ABHD12: variants seen among roughly 807,000 people sequenced by gnomAD.
The protein encoded by ABHD12 is lysophosphatidylserine lipase ABHD12.
Under a neutral mutation model 58.3 loss-of-function variants are expected in ABHD12, and 43 were observed. That is an observed-to-expected ratio of 0.74 (90% CI 0.58 to 0.95). The LOEUF (loss-of-function observed/expected upper bound fraction) is 0.95, where lower values mean the gene tolerates loss of function less well. ABHD12 is among the 40% of genes least tolerant of loss of function. The probability of loss-of-function intolerance (pLI) is 0.00; values close to 1 mark genes in which losing one functional copy is unlikely to be tolerated. For synonymous variants in ABHD12, 219 were observed against 211.2 expected (o/e 1.04, Z -0.32); for missense variants, 539 against 537.2 (o/e 1.00, Z -0.03).
chr20:25,390,462 C>T, intron 1 of ABHD12, 51 bp downstream of exon 1: 1 of 1,335,314 alleles, frequency 7.5e-7, no homozygotes, highest in Non-Finnish European at 9.5e-7. Flanking sequence ...CGCACCTGCG[C>T]AAAGTGAGGG....
intron 1 of ABHD12, chr20:25,339,606 G>C: frequency 6.9e-7 from 1 of 1,453,040 alleles, no homozygotes; most frequent in Middle Eastern, 1.9e-4. Context: ...AATAGCTAAT[G>C]ATTTCTTACA....
At chr20:25,362,704 C>T (rs1360476975) in intron 1 of ABHD12, among the ~76,000 whole-genome samples, 4 of 149,832 alleles carry the variant, frequency 2.7e-5, no homozygotes, top group South Asian at 4.2e-4. Flanking sequence ...GACGGAGTTT[C>T]GCTCTTGTTG....
chr20:25,362,456 A>T (rs2089762863), intron 1 of ABHD12, among the ~76,000 whole-genome samples: 1 of 150,606 alleles, frequency 6.6e-6, no homozygotes, highest in Non-Finnish European at 1.5e-5. Context: ...AATCCTATCT[A>T]CTCGGGAGGC....
chr20:25,312,556 T>C (rs2088871014), intron 6 of ABHD12, among the ~76,000 whole-genome samples: 1 of 152,228 alleles, frequency 6.6e-6, no homozygotes, highest in South Asian at 2.1e-4. Flanking sequence ...CCGCCTGCTT[T>C]GGCCTCCCAA....
chr20:25,325,687 C>A (rs112921585), intron 2 of ABHD12, among the ~76,000 whole-genome samples: 3,150 of 152,242 alleles, frequency 0.021, 97 homozygotes, highest in African/African-American at 0.071. Flanking sequence ...ACCCACACCT[C>A]GACCTCAGAC....
At chr20:25,301,692 C>T (rs2088638460) in intron 12 of ABHD12, among the ~76,000 whole-genome samples, 1 of 152,240 alleles carries the variant, frequency 6.6e-6, no homozygotes, top group Admixed American at 6.5e-5. Context: ...CCACACACTG[C>T]CCTTGTCACT....
chr20:25,300,547 A>C lies in ABHD12; in HGVS notation c.*298T>G. 1 of 1,384,100 alleles carries C rather than the reference A, an allele frequency of 7.2e-7. No homozygotes were observed. Among genetic ancestry groups the C allele is most frequent in the African/African-American group, 1.5e-5 (1 of 68,602 alleles). 85.7% of individuals were successfully genotyped at this position (1,384,100 alleles called of 1,614,324 possible). The stretch of plus-strand genomic sequence containing the variant: ...CCCTGTCCAGCTCAGTGCAGCATCA[A>C]GCAGGCAGTGATGGCTGCCTGCTGC... On this transcript the variant is annotated 3_prime_UTR_variant, in exon 13 of 13. Transcript: ENST00000339157.
At chr20:25,349,300 T>C (rs954645327) in intron 1 of ABHD12, among the ~76,000 whole-genome samples, 1 of 152,080 alleles carries the variant, frequency 6.6e-6, no homozygotes, top group African/African-American at 2.4e-5. Flanking sequence ...GAATATAAAA[T>C]AGTCCAGCTG....
intron 1 of ABHD12, among the ~76,000 whole-genome samples, chr20:25,363,571 ATT>A (rs2089781654): frequency 6.6e-6 from 1 of 152,114 alleles, no homozygotes; most frequent in South Asian, 2.1e-4. Flanking sequence ...TTTAATCAAT[ATT>A]TAATTTTAAG....
intron 1 of ABHD12, among the ~76,000 whole-genome samples, chr20:25,364,920 C>T (rs535160823): frequency 6.6e-6 from 1 of 152,270 alleles, no homozygotes; most frequent in East Asian, 1.9e-4. Flanking sequence ...TAGGAGACCA[C>T]CAAAACCTTG....
chr20:25,318,030 T>C (rs2088994963), intron 4 of ABHD12, among the ~76,000 whole-genome samples: 1 of 152,062 alleles, frequency 6.6e-6, no homozygotes, highest in Admixed American at 6.6e-5. Flanking sequence ...AACAAAAATA[T>C]AAAGGGTCAG....
chr20:25,386,424 A>G (rs1015493593), intron 1 of ABHD12, among the ~76,000 whole-genome samples: 2 of 151,226 alleles, frequency 1.3e-5, no homozygotes, highest in Non-Finnish European at 2.9e-5. Flanking sequence ...ACGCCTGGCT[A>G]ATTTTTTTTG....
At chr20:25,302,104 A>C in intron 12 of ABHD12, 115 bp downstream of exon 12, 1 of 1,459,014 alleles carries the variant, frequency 6.9e-7, no homozygotes, top group Non-Finnish European at 9.5e-7. Context: ...AATCACTGTG[A>C]CTCTTGGCCC....
chr20:25,312,747 C>T (rs1367528165), intron 6 of ABHD12, among the ~76,000 whole-genome samples: 2 of 150,666 alleles, frequency 1.3e-5, no homozygotes, highest in African/African-American at 4.9e-5. Flanking sequence ...CGTCTCTGCC[C>T]GGCCGCCCAT....
intron 4 of ABHD12, among the ~76,000 whole-genome samples, chr20:25,317,717 C>A (rs970518273): frequency 2.0e-5 from 3 of 152,270 alleles, no homozygotes; most frequent in African/African-American, 7.2e-5. Context: ...TACAGCTTCA[C>A]CGTGCATGTC....
chr20:25,296,930 A>ATGAG (rs1314297650), downstream of ABHD12: 1 of 178,084 alleles, frequency 5.6e-6, no homozygotes, highest in African/African-American at 2.4e-5. Context: ...AAGCCTGGGA[A>ATGAG]TGAGTGTTAC....
chr20:25,322,381 A>ATATATATATATATATATATATATT, intron 3 of ABHD12, among the ~76,000 whole-genome samples: 2 of 59,268 alleles, frequency 3.4e-5, no homozygotes, highest in African/African-American at 1.7e-4. Flanking sequence ...ATATATATAT[A>ATATATATATATATATATATATATT]TTTTTTTTTT....
chr20:25,316,616 G>T (rs1033129598), intron 5 of ABHD12, among the ~76,000 whole-genome samples: 1 of 152,234 alleles, frequency 6.6e-6, no homozygotes, highest in Non-Finnish European at 1.5e-5. Flanking sequence ...TCACAGCAGA[G>T]GCAGCCAAGG....
In ABHD12 at chr20:25,323,441, T is replaced by TA; in HGVS notation, c.317-12dup. The TA allele has an allele frequency of 2.0e-6, 3 of 1,530,904 alleles. No homozygotes were observed. The highest frequency in any genetic ancestry group is 2.7e-6 in the Non-Finnish European group (3 of 1,104,230). The allele number at this position is 1,530,904 out of a possible 1,614,324, so 94.8% of individuals were successfully genotyped here. A position where few individuals can be genotyped will look rare whatever the true frequency, so the allele number is the denominator to read the frequency against. On this transcript the variant is annotated splice_polypyrimidine_tract_variant and intron_variant, in intron 2 of 12. Transcript: ENST00000339157. ...AATAGGGAACTCTTACTGTAGGAAA[T>TA]AAAGAGATGGAAATTAGGATTACTG...
Sources: gnomAD v4.1 joint callset for allele counts (sites outside exome capture counted in the v4.1 genomes callset) on GRCh38, gnomAD v4.1.1 for gene constraint, MANE v1.5 for transcripts, NCBI Gene and HGNC (gene_info 2026-07-23, HGNC 2026-07-21) for gene names.